TENM4: variants seen among roughly 807,000 people sequenced by gnomAD.
TENM4 encodes the protein teneurin-4.
A neutral mutation model predicts 243.3 loss-of-function variants in TENM4; 82 were observed. The ratio of observed to expected loss-of-function variants is 0.34; its 90% CI spans 0.28 to 0.40. TENM4 has a LOEUF of 0.40. TENM4 is among the 10% of genes least tolerant of loss of function. The probability of loss-of-function intolerance (pLI) is 1.00; values close to 1 mark genes in which losing one functional copy is unlikely to be tolerated. For missense variants in TENM4, 3,138 were observed against 3,673.3 expected (o/e 0.85, Z 3.77); for synonymous variants, 1,412 against 1,456.3 (o/e 0.97, Z 0.69).
At chr11:79,403,772 G>A (rs942077818) in intron 1 of TENM4, among the ~76,000 whole-genome samples, 6 of 152,162 alleles carry the variant, frequency 3.9e-5, no homozygotes, top group Admixed American at 1.3e-4. Flanking sequence ...AGCACTTCAT[G>A]CATAGAAGCA....
chr11:79,014,893 C>G (rs570684431), intron 6 of TENM4: 2 of 152,326 alleles, frequency 1.3e-5, no homozygotes, highest in African/African-American at 4.8e-5. Context: ...GATTAATGCT[C>G]TCCTGCCTGG....
chr11:79,163,768 T>TAC (rs199622775), intron 3 of TENM4, among the ~76,000 whole-genome samples: 7 of 125,584 alleles, frequency 5.6e-5, no homozygotes. Flanking sequence ...TGTATATATA[T>TAC]ACACACACAT....
intron 6 of TENM4, among the ~76,000 whole-genome samples, chr11:79,053,993 C>T (rs1481319736): frequency 1.3e-5 from 2 of 152,140 alleles, no homozygotes; most frequent in Admixed American, 6.6e-5. Context: ...ATGTTGTGCC[C>T]ATTGCTATCT....
intron 2 of TENM4, among the ~76,000 whole-genome samples, chr11:79,217,041 C>G (rs748485062): frequency 6.6e-6 from 1 of 152,150 alleles, no homozygotes; most frequent in African/African-American, 2.4e-5. Flanking sequence ...GAAGGAAATT[C>G]TGAACTGGGG....
rs61882090 is a variant in TENM4 at position 79,104,377 on chromosome 11, G to A, written c.-65-34368C>T. On this transcript the variant is annotated intron_variant, in intron 4 of 33. Coordinates refer to ENST00000278550, the MANE Select transcript of TENM4 (RefSeq NM_001098816.3). ...TCAGAATCACAATTAACATCTTAGC[G>A]CATAGCTATCCTTCTAGACATTTTC... is the stretch of plus-strand genomic sequence containing the variant. Among the ~76,000 whole-genome samples, 478 of 152,254 alleles carry A rather than the reference G, an allele frequency of 3.1e-3. 4 individuals carry two copies. The highest frequency in any genetic ancestry group is 5.0e-3 in the South Asian group (24 of 4,814).
intron 1 of TENM4, among the ~76,000 whole-genome samples, chr11:79,425,436 G>A (rs999084451): frequency 1.3e-5 from 2 of 152,174 alleles, no homozygotes; most frequent in Non-Finnish European, 2.9e-5. Context: ...ACATCTCAGT[G>A]TCTGGAGCCT....
intron 18 of TENM4, among the ~76,000 whole-genome samples, chr11:78,769,538 G>T (rs1488634343): frequency 2.6e-5 from 4 of 152,190 alleles, no homozygotes; most frequent in African/African-American, 9.7e-5. Flanking sequence ...TTATCTCTAT[G>T]CCTGGTATAG....
intron 1 of TENM4, among the ~76,000 whole-genome samples, chr11:79,308,995 A>C (rs949002516): frequency 1.3e-5 from 2 of 152,196 alleles, no homozygotes; most frequent in African/African-American, 4.8e-5. Context: ...AAAGGATATG[A>C]AGCTCAGAGT....
intron 3 of TENM4, among the ~76,000 whole-genome samples, chr11:79,210,874 A>G (rs576659457): frequency 2.6e-5 from 4 of 152,320 alleles, no homozygotes; most frequent in African/African-American, 7.2e-5. Context: ...TGGTGACCAT[A>G]GCCCTCTGTA....
chr11:79,229,967 C>T (rs996059620), intron 2 of TENM4, among the ~76,000 whole-genome samples: 1 of 150,612 alleles, frequency 6.6e-6, no homozygotes, highest in African/African-American at 2.4e-5. Context: ...GCTGCAACTA[C>T]AGCTGCATAT....
chr11:78,723,555 C>G, intron 23 of TENM4, among the ~76,000 whole-genome samples: 1 of 152,256 alleles, frequency 6.6e-6, no homozygotes, highest in East Asian at 1.9e-4. Flanking sequence ...ATCCCAGCTC[C>G]TGTATAGATC....
intron 1 of TENM4, among the ~76,000 whole-genome samples, chr11:79,309,764 A>C (rs1013205529): frequency 2.0e-5 from 3 of 152,120 alleles, no homozygotes; most frequent in Non-Finnish European, 2.9e-5. Context: ...AAAAGACAAG[A>C]CTTCCCAAGA....
chr11:78,736,180 C>T (rs572424988), intron 20 of TENM4, among the ~76,000 whole-genome samples: 4 of 152,074 alleles, frequency 2.6e-5, no homozygotes, highest in Admixed American at 6.6e-5. Context: ...TGGTCTTGAA[C>T]GCCCAGGCTG....
intron 2 of TENM4, among the ~76,000 whole-genome samples, chr11:79,296,781 T>A (rs2135391139): frequency 6.6e-6 from 1 of 152,356 alleles, no homozygotes; most frequent in South Asian, 2.1e-4. Context: ...ACAACTTCCT[T>A]CTACGTTATA....
chr11:78,806,312 A>G (rs558751632), intron 14 of TENM4, among the ~76,000 whole-genome samples: 14 of 152,196 alleles, frequency 9.2e-5, no homozygotes, highest in Admixed American at 9.2e-4. Context: ...AAACAAACAA[A>G]CAAAACAAAG....
intron 32 of TENM4, among the ~76,000 whole-genome samples, chr11:78,668,107 T>C (rs1410489255): frequency 6.6e-6 from 1 of 152,202 alleles, no homozygotes; most frequent in Non-Finnish European, 1.5e-5. Flanking sequence ...CTGCGCTAAG[T>C]ACCTCATGAA....
chr11:78,912,948 G>A (rs1237335996), intron 6 of TENM4, among the ~76,000 whole-genome samples: 1 of 152,220 alleles, frequency 6.6e-6, no homozygotes, highest in African/African-American at 2.4e-5. Context: ...CGGCTAATTT[G>A]CTGTGTGACC....
At chr11:78,936,029 C>T (rs1478570672) in intron 6 of TENM4, among the ~76,000 whole-genome samples, 3 of 152,152 alleles carry the variant, frequency 2.0e-5, no homozygotes, top group Admixed American at 2.0e-4. Flanking sequence ...ACAGTTCATT[C>T]CCCAGTGAGG....
intron 2 of TENM4, among the ~76,000 whole-genome samples, chr11:79,279,113 G>T (rs927800046): frequency 6.6e-6 from 1 of 152,184 alleles, no homozygotes. Flanking sequence ...ACGGAGGGTG[G>T]TCTCTACAAG....
Sources: gnomAD v4.1 joint callset for allele counts (sites outside exome capture counted in the v4.1 genomes callset) on GRCh38, gnomAD v4.1.1 for gene constraint, MANE v1.5 for transcripts, NCBI Gene and HGNC (gene_info 2026-07-23, HGNC 2026-07-21) for gene names.